The following SHISA9 variants were observed in gnomAD, a reference collection of about 807,000 sequenced individuals.
SHISA9 encodes protein shisa-9.
A neutral mutation model predicts 38.0 loss-of-function variants in SHISA9; 13 were observed. The observed-to-expected ratio is 0.34, with a 90% CI of 0.22 to 0.54. The LOEUF (loss-of-function observed/expected upper bound fraction) is 0.54. Ranked by LOEUF, SHISA9 falls within the 20% of genes least tolerant of loss-of-function variation. The pLI is 0.91. For missense variants in SHISA9, 538 were observed against 575.8 expected, an observed-to-expected ratio of 0.93 and a Z score of 0.67; for synonymous variants, 275 against 242.0, an observed-to-expected ratio of 1.14 and a Z score of -1.27.
At chr16:13,450,591 A>G in the SHISA9 span, among the ~76,000 whole-genome samples, 1 of 152,232 alleles carries the variant, frequency 6.6e-6, no homozygotes, top group African/African-American at 2.4e-5. Context: ...ATATGCAGAC[A>G]CAATTATAAA....
chr16:13,181,238 C>T (rs1463688741), intron 2 of SHISA9, among the ~76,000 whole-genome samples: 1 of 138,004 alleles, frequency 7.2e-6, no homozygotes, highest in Non-Finnish European at 1.5e-5. Flanking sequence ...GGAGATTAGG[C>T]CCAAGAAAGT....
At chr16:13,376,433 A>G in the SHISA9 span, among the ~76,000 whole-genome samples, 224 of 152,312 alleles carry the variant, frequency 1.5e-3, 1 homozygote, top group Middle Eastern at 0.024. Flanking sequence ...GCACATTTAC[A>G]GCCAGGTGGG....
the SHISA9 span, among the ~76,000 whole-genome samples, chr16:13,367,708 GCGCGCACACACA>G: frequency 4.1e-4 from 48 of 116,672 alleles, no homozygotes; most frequent in South Asian, 8.8e-3. Flanking sequence ...GCGCGCGCGC[GCGCGCACACACA>G]CACACACACA....
intron 2 of SHISA9, among the ~76,000 whole-genome samples, chr16:13,186,091 C>T (rs976804977): frequency 1.3e-5 from 2 of 152,042 alleles, no homozygotes; most frequent in Admixed American, 6.5e-5. Flanking sequence ...GTCTCTGAGG[C>T]TTGTGACCTT....
chr16:13,399,887 A>G, the SHISA9 span, among the ~76,000 whole-genome samples: 3 of 152,198 alleles, frequency 2.0e-5, no homozygotes, highest in Non-Finnish European at 4.4e-5. Context: ...AATGTAGAAG[A>G]TACTTGTAGT....
rs62027600 is a variant in SHISA9, at chr16:13,225,614, T to A, written c.896-9416T>A. On this transcript the variant is annotated intron_variant, in intron 4 of 4. Transcript: ENST00000558583. ...ATCCATCACCTGTGACCCAGGAATA[T>A]TACCAAGAAAGAATGAGTGGTAGGA... Among the ~76,000 whole-genome samples the A allele has an allele frequency of 4.4e-3, 672 of 152,264 alleles. 2 individuals are homozygous for A. The highest frequency in any genetic ancestry group is 7.4e-3 in the Non-Finnish European group (504 of 68,002).
At chr16:13,113,054 A>C (rs971054943) in intron 2 of SHISA9, among the ~76,000 whole-genome samples, 21 of 151,914 alleles carry the variant, frequency 1.4e-4, no homozygotes, top group Non-Finnish European at 2.9e-4. Context: ...TATTAAAAAT[A>C]CAAAAATTAG....
the SHISA9 span, among the ~76,000 whole-genome samples, chr16:13,462,568 A>G: frequency 6.6e-6 from 1 of 151,970 alleles, no homozygotes; most frequent in Non-Finnish European, 1.5e-5. Context: ...TCACACCTGT[A>G]ATCCCAGCAC....
At chr16:13,036,981 T>C (rs891142718) in intron 2 of SHISA9, among the ~76,000 whole-genome samples, 12 of 152,100 alleles carry the variant, frequency 7.9e-5, no homozygotes, top group African/African-American at 2.9e-4. Flanking sequence ...AAGACTATTA[T>C]TATCCTTACT....
At chr16:13,469,377 G>C in the SHISA9 span, among the ~76,000 whole-genome samples, 12 of 93,800 alleles carry the variant, frequency 1.3e-4, no homozygotes, top group African/African-American at 3.6e-4. Context: ...AAGAAAGAAA[G>C]AAAGAAAGAA....
chr16:13,249,970 G>A, the SHISA9 span, among the ~76,000 whole-genome samples: 1 of 152,146 alleles, frequency 6.6e-6, no homozygotes, highest in Non-Finnish European at 1.5e-5. Flanking sequence ...CTAGGCTCAA[G>A]CAATGCTTCC....
At chr16:13,312,278 CAG>C in the SHISA9 span, among the ~76,000 whole-genome samples, 1 of 152,176 alleles carries the variant, frequency 6.6e-6, no homozygotes, top group Non-Finnish European at 1.5e-5. Context: ...TTTACAAAAA[CAG>C]ACAGTGGGCC....
intron 2 of SHISA9, among the ~76,000 whole-genome samples, chr16:12,982,250 C>A (rs2072248856): frequency 6.6e-6 from 1 of 152,120 alleles, no homozygotes. Context: ...CACATGTGGC[C>A]ATTTACATTT....
At chr16:13,299,353 C>A in the SHISA9 span, among the ~76,000 whole-genome samples, 2 of 152,042 alleles carry the variant, frequency 1.3e-5, no homozygotes, top group South Asian at 2.1e-4. Flanking sequence ...GCCTTTTTAC[C>A]GATGAAGATT....
At chr16:13,462,822 C>T in the SHISA9 span, among the ~76,000 whole-genome samples, 2 of 151,702 alleles carry the variant, frequency 1.3e-5, no homozygotes, top group African/African-American at 4.8e-5. Context: ...ATTAGCCAGG[C>T]GTGGTGGCGG....
chr16:13,199,130 G>C (rs1238493498), intron 2 of SHISA9, among the ~76,000 whole-genome samples: 2 of 152,198 alleles, frequency 1.3e-5, no homozygotes, highest in African/African-American at 4.8e-5. Context: ...CTGGACACAG[G>C]GTTTGAGCCT....
the SHISA9 span, among the ~76,000 whole-genome samples, chr16:13,369,376 T>C: frequency 2.0e-5 from 3 of 152,202 alleles, no homozygotes; most frequent in Non-Finnish European, 4.4e-5. Flanking sequence ...GGTTGCTTGC[T>C]GGTTTATTAA....
At chr16:12,923,991 C>T (rs2071363239) in intron 2 of SHISA9, among the ~76,000 whole-genome samples, 1 of 152,110 alleles carries the variant, frequency 6.6e-6, no homozygotes, top group South Asian at 2.1e-4. Flanking sequence ...GGGATCAGGA[C>T]CATCTCAAGA....
At chr16:13,145,901 G>C (rs2050443070) in intron 2 of SHISA9, among the ~76,000 whole-genome samples, 1 of 152,092 alleles carries the variant, frequency 6.6e-6, no homozygotes, top group African/African-American at 2.4e-5. Flanking sequence ...AAAATTCATA[G>C]TGAGGGCTGG....
Sources: allele counts gnomAD v4.1 joint callset (sites outside exome capture counted in the v4.1 genomes callset), GRCh38; gene constraint gnomAD v4.1.1; transcripts MANE v1.5; gene names NCBI Gene and HGNC (gene_info 2026-07-23, HGNC 2026-07-21).